The following MCTP1 variants were observed in gnomAD, a reference collection of about 807,000 sequenced individuals.
MCTP1 encodes multiple C2 and transmembrane domain-containing protein 1.
Under a neutral mutation model 120.6 loss-of-function variants are expected in MCTP1, and 69 were observed. That is an observed-to-expected ratio of 0.57 (90% CI 0.47 to 0.70). The LOEUF (loss-of-function observed/expected upper bound fraction) is 0.70, where lower values mean the gene tolerates loss of function less well. Among genes scored for constraint, MCTP1 ranks in the 30% least tolerant of loss-of-function variants. MCTP1 has a pLI of 0.00. For synonymous variants in MCTP1, 529 were observed against 493.1 expected, an observed-to-expected ratio of 1.07 and a Z score of -0.96; for missense variants, 1,203 against 1,248.8, an observed-to-expected ratio of 0.96 and a Z score of 0.55.
intron 19 of MCTP1, among the ~76,000 whole-genome samples, chr5:94,745,083 A>C (rs1322398950): frequency 6.6e-6 from 1 of 152,202 alleles, no homozygotes; most frequent in African/African-American, 2.4e-5. Flanking sequence ...GAGAGTAAGA[A>C]TGTTTCCCAG....
intron 1 of MCTP1, among the ~76,000 whole-genome samples, chr5:95,068,058 A>T (rs928656210): frequency 1.3e-5 from 2 of 152,214 alleles, no homozygotes; most frequent in Non-Finnish European, 2.9e-5. Context: ...TGATCTTTCA[A>T]CAAGGTCGTT....
At chr5:95,106,485 T>A (rs1011461163) in intron 1 of MCTP1, among the ~76,000 whole-genome samples, 1 of 152,188 alleles carries the variant, frequency 6.6e-6, no homozygotes, top group African/African-American at 2.4e-5. Context: ...TCCTGTTGAG[T>A]CTGAAGCCAT....
At chr5:94,997,570 TTGTTTTGGGCA>T in intron 2 of MCTP1, among the ~76,000 whole-genome samples, 1 of 152,292 alleles carries the variant, frequency 6.6e-6, no homozygotes, top group Middle Eastern at 3.4e-3. Context: ...CCTGTTTTTA[TTGTTTTGGGCA>T]TGTCAGTCAT....
At chr5:94,719,719 A>G (rs927359165) in intron 19 of MCTP1, among the ~76,000 whole-genome samples, 3 of 152,194 alleles carry the variant, frequency 2.0e-5, no homozygotes, top group African/African-American at 7.2e-5. Flanking sequence ...TAGCTAATGC[A>G]TACAGGGCTT....
At chr5:95,036,061 T>C (rs1841240220) in intron 1 of MCTP1, among the ~76,000 whole-genome samples, 1 of 152,128 alleles carries the variant, frequency 6.6e-6, no homozygotes, top group African/African-American at 2.4e-5. Context: ...TTCCCAAACA[T>C]ACTGTTTCTC....
chr5:94,750,807 C>A (rs1005417734), intron 19 of MCTP1, among the ~76,000 whole-genome samples: 1 of 152,140 alleles, frequency 6.6e-6, no homozygotes, highest in African/African-American at 2.4e-5. Context: ...AATACTGATG[C>A]CTAATTCAAA....
chr5:95,034,542 C>T (rs1581949186), intron 1 of MCTP1, among the ~76,000 whole-genome samples: 1 of 151,890 alleles, frequency 6.6e-6, no homozygotes, highest in African/African-American at 2.4e-5. Context: ...TGAAACTGGA[C>T]CCTTATCTCT....
At chr5:94,961,982 G>A (rs749030873) in intron 2 of MCTP1, among the ~76,000 whole-genome samples, 11 of 151,842 alleles carry the variant, frequency 7.2e-5, no homozygotes, top group Admixed American at 1.3e-4. Flanking sequence ...ATTTTCTCCC[G>A]CTCTGTGGGT....
intron 17 of MCTP1, among the ~76,000 whole-genome samples, chr5:94,862,045 G>C (rs1474883113): frequency 6.6e-6 from 1 of 151,704 alleles, no homozygotes; most frequent in Non-Finnish European, 1.5e-5. Flanking sequence ...TAATTATGCT[G>C]GTGATATTTG....
chr5:95,167,459 T>G (rs1350527244), intron 1 of MCTP1, among the ~76,000 whole-genome samples: 1 of 152,198 alleles, frequency 6.6e-6, no homozygotes, highest in Admixed American at 6.5e-5. Context: ...GTATTTCTAG[T>G]TCTAGATCCC....
intron 17 of MCTP1, among the ~76,000 whole-genome samples, chr5:94,818,660 C>T (rs1029869331): frequency 6.6e-6 from 1 of 152,216 alleles, no homozygotes; most frequent in African/African-American, 2.4e-5. Flanking sequence ...AGAGAAGAGA[C>T]TGCAACCATG....
intron 1 of MCTP1, among the ~76,000 whole-genome samples, chr5:95,019,806 A>C (rs1837848105): frequency 6.6e-6 from 1 of 152,030 alleles, no homozygotes; most frequent in Admixed American, 6.6e-5. Flanking sequence ...AGTGTAAAGG[A>C]CAAGAGCGTG....
At position 95,284,411 on chromosome 5, in the gene MCTP1, C is replaced by T. The variant is rs745791561; in HGVS notation, c.165G>A (p.Ser55=). ...TGCCCACCGGGGGTGGCGGGGAGGG[C>T]GACGGGGTGTCCGCAGTGCGGCGCT... ...GPERRTADTP[S]PSPPPPVGTG... is the part of the protein sequence containing the mutation. The change falls in exon 1 of 23, where the codon TCG becomes TCA. Residue 55 remains serine (S), a synonymous_variant. Coordinates refer to ENST00000515393, the MANE Select transcript of MCTP1 (RefSeq NM_024717.7). This position sits in a 1 kb window ranked among gnomAD's most constrained non-coding sequence, Gnocchi z 5.2. 6.3e-7 allele frequency: 1 copy of T among 1,580,756 alleles called. No homozygotes were observed. The highest frequency in any genetic ancestry group is 2.3e-5 in the East Asian group (1 of 43,856).
chr5:95,005,632 C>T (rs959010637), intron 2 of MCTP1, among the ~76,000 whole-genome samples: 1 of 152,104 alleles, frequency 6.6e-6, no homozygotes, highest in Non-Finnish European at 1.5e-5. Flanking sequence ...TTCTCTTGCT[C>T]TCTTGCTGGA....
intron 1 of MCTP1, among the ~76,000 whole-genome samples, chr5:95,276,811 G>A (rs1272354937): frequency 6.6e-6 from 1 of 151,778 alleles, no homozygotes; most frequent in East Asian, 2.0e-4. Context: ...AATTAGCCGG[G>A]CATGGTGGCG....
chr5:94,869,059 A>T, intron 16 of MCTP1, among the ~76,000 whole-genome samples: 1 of 151,882 alleles, frequency 6.6e-6, no homozygotes, highest in Admixed American at 6.6e-5. Context: ...GGAAGTAGGG[A>T]AAAATATATG....
chr5:94,779,620 A>G (rs1373778646), intron 18 of MCTP1, among the ~76,000 whole-genome samples: 1 of 152,160 alleles, frequency 6.6e-6, no homozygotes, highest in Non-Finnish European at 1.5e-5. Flanking sequence ...CTGGTGGTCT[A>G]TGGCATAAAA....
At chr5:95,121,450 A>C (rs1292227658) in intron 1 of MCTP1, among the ~76,000 whole-genome samples, 1 of 152,016 alleles carries the variant, frequency 6.6e-6, no homozygotes, top group African/African-American at 2.4e-5. Flanking sequence ...AAAGAAGTGA[A>C]AGATCTCTAC....
At chr5:94,894,867 C>CTTTTT (rs34628738) in intron 10 of MCTP1, 32 bp from the exon 11 acceptor site, 108 of 989,758 alleles carry the variant, frequency 1.1e-4, no homozygotes, top group African/African-American at 1.7e-4. Flanking sequence ...CAGCAAGTGG[C>CTTTTT]TTTTTTTTTT....
Sources: gnomAD v4.1 joint callset for allele counts (sites outside exome capture counted in the v4.1 genomes callset) on GRCh38, gnomAD v4.1.1 for gene constraint, Gnocchi (gnomAD v3.1) non-coding constraint, MANE v1.5 for transcripts, NCBI Gene and HGNC (gene_info 2026-07-23, HGNC 2026-07-21) for gene names.